GUCD1: variants seen among roughly 807,000 people sequenced by gnomAD.
GUCD1 encodes guanylyl cyclase domain containing 1, also known as protein GUCD1.
In GUCD1, 17 loss-of-function variants were observed where a neutral mutation model predicts 28.3. The observed-to-expected ratio is 0.60, with a 90% CI of 0.41 to 0.90. The LOEUF is 0.90. GUCD1 is among the 40% of genes least tolerant of loss of function. The pLI is 0.00. For missense variants in GUCD1, 279 were observed against 305.5 expected (o/e 0.91, Z 0.65); for synonymous variants, 129 against 123.3 (o/e 1.05, Z -0.30).
chr22:24,545,309 A>C (rs2147075330), intron 4 of GUCD1, among the ~76,000 whole-genome samples: 1 of 152,196 alleles, frequency 6.6e-6, no homozygotes, highest in South Asian at 2.1e-4. Flanking sequence ...TCCCAGTGGC[A>C]GTGCACAGGA....
Position 24,543,904 on chromosome 22 carries a change from AC to A in GUCD1, c.565del (p.Val189CysfsTer168). 6.2e-7 allele frequency: 1 copy of A among 1,614,114 alleles called. No individual in the cohort carries two copies. The highest frequency in any genetic ancestry group is 1.7e-5 in the Admixed American group (1 of 60,014). On this transcript the variant is annotated frameshift_variant, in exon 5 of 6. Transcript: ENST00000435822. LOFTEE classifies it high-confidence loss of function. ...RTPDYQGHFIVLRGYNRATGC... is the reference protein window; with the variant it reads ...RTPDYQGHFIXLRGYNRATGC... ...AGTGGCCCGGTTGTAGCCACGCAGC[AC>A]GATGAAGTGGCCCTGGTAGTCAGGA...
At chr22:24,554,750 CT>C (rs2044987273) in intron 1 of GUCD1, among the ~76,000 whole-genome samples, 198 bp downstream of exon 1, 1 of 152,248 alleles carries the variant, frequency 6.6e-6, no homozygotes, top group Admixed American at 6.5e-5. Context: ...GGTGGTGCCC[CT>C]GCTACCCGGA....
At position 24,554,897 on chromosome 22, in the gene GUCD1, G is replaced by A. The variant is rs1319517912; in HGVS notation, c.43+52C>T. ...ACTGGACCCTGCCCCGCGCTAGGGA[G>A]GGGTCCCTTTCGTTCCTAGGGTGAA... On this transcript the variant is annotated intron_variant, in intron 1 of 5. Coordinates refer to ENST00000435822, the MANE Select transcript of GUCD1 (RefSeq NM_001284254.2). The A allele has an allele frequency of 1.4e-5, 20 of 1,409,490 alleles. No individual in the cohort carries two copies. The East Asian group carries it at 1.8e-4, about 12-fold the overall frequency. The allele number at this position is 1,409,490 out of a possible 1,614,324, so 87.3% of individuals were successfully genotyped here. A position where few individuals can be genotyped will look rare whatever the true frequency, so the allele number is the denominator to read the frequency against.
chr22:24,555,669 C>T (rs2045042654), upstream of GUCD1: 18 of 1,550,668 alleles, frequency 1.2e-5, no homozygotes, highest in South Asian at 1.5e-4. Flanking sequence ...TGGCCCTTGG[C>T]CCAACCTCCT....
chr22:24,555,887 G>A (rs1207646004), upstream of GUCD1: 16 of 1,502,706 alleles, frequency 1.1e-5, no homozygotes, highest in Middle Eastern at 2.3e-4. Context: ...GCCGGCAGGC[G>A]GAGTGAGGAG....
In GUCD1 at chr22:24,541,165, G is replaced by T. The variant is rs528529100; in HGVS notation, c.*1841C>A. 7 of 168,648 alleles carry T rather than the reference G, an allele frequency of 4.2e-5. No individual in the cohort carries two copies. The South Asian group carries it at 1.2e-3, about 29-fold the overall frequency. The allele number at this position is 168,648 out of a possible 1,614,324, so 10.4% of individuals were successfully genotyped here. ...GCCCAACTAACAGCACCTCCCTCTTGGCCAAAGGCTTTGTCTAGGGTTGAG... is the reference window on the plus strand; with the variant it reads ...GCCCAACTAACAGCACCTCCCTCTTTGCCAAAGGCTTTGTCTAGGGTTGAG... On this transcript the variant is annotated 3_prime_UTR_variant, in exon 6 of 6. Transcript: ENST00000435822.
At chr22:24,550,266 G>A (rs891075104) in intron 1 of GUCD1, among the ~76,000 whole-genome samples, 8 of 152,214 alleles carry the variant, frequency 5.3e-5, no homozygotes, top group South Asian at 2.1e-4. Context: ...TGTGTGTACT[G>A]GAGATACAGC....
Position 24,546,971 on chromosome 22 carries a change from G to A in GUCD1, c.329C>T (p.Thr110Ile), listed in dbSNP as rs2044744168. The stretch of plus-strand genomic sequence containing the variant: ...TTGTGCAAACAGCTGATTCACCCGG[G>A]TCTCTTCTGTGTCAAAGTGCTTCCT... ...FYRKHFDTEE[T>I]RVNQLFAQAK... The change falls in exon 4 of 6, where the codon ACC becomes ATC. Residue 110 changes from threonine to isoleucine, a missense_variant. Physicochemically the swap from Thr to Ile is moderately conservative, Grantham distance 89. Transcript: ENST00000435822. 1 of 1,614,152 alleles carries A rather than the reference G, an allele frequency of 6.2e-7. No homozygotes were observed. The highest frequency in any genetic ancestry group is 1.3e-5 in the African/African-American group (1 of 75,054).
At position 24,546,904 on chromosome 22, in the gene GUCD1, G is replaced by C. The variant is rs374359249; in HGVS notation, c.386+10C>G. ...AGAGGAAGGGCAGGTAGGAAAGTTG[G>C]GGGGCTCACCATTTCTCCACCAGCA... On this transcript the variant is annotated intron_variant, in intron 4 of 5. Transcript: ENST00000435822. 85 of 1,612,246 alleles carry C rather than the reference G, an allele frequency of 5.3e-5. 1 individual carries two copies. In the African/African-American group the frequency reaches 9.1e-4, roughly 17 times the overall value.
At chr22:24,547,034 C>T (rs2044746041) in intron 3 of GUCD1, 29 bp from the exon 4 acceptor site, 1 of 1,548,558 alleles carries the variant, frequency 6.5e-7, no homozygotes. Flanking sequence ...GATGGAGTGG[C>T]CACCACCCAG....
In GUCD1 at chr22:24,542,670, C is replaced by T. The variant is rs2044622392; in HGVS notation, c.*336G>A. On this transcript the variant is annotated 3_prime_UTR_variant, in exon 6 of 6. Coordinates refer to ENST00000435822, the MANE Select transcript of GUCD1 (RefSeq NM_001284254.2). ...CTCTCTCCAGGCTCAGTCCTGCGGT[C>T]TGTGGGGAGACCATTGCCATGGATC... The T allele has an allele frequency of 3.1e-6, 1 of 325,350 alleles. No individual in the cohort carries two copies. 20.2% of individuals were successfully genotyped at this position (325,350 alleles called of 1,614,324 possible).
At chr22:24,544,272 G>T (rs375586199) in intron 4 of GUCD1, among the ~76,000 whole-genome samples, 189 bp from the exon 5 acceptor site, 3 of 147,518 alleles carry the variant, frequency 2.0e-5, no homozygotes, top group Non-Finnish European at 4.5e-5. Context: ...ACCGGTGGGG[G>T]GGGTGTGTGT....
In GUCD1 at chr22:24,547,889, C is replaced by G; in HGVS notation, c.294+19G>C. 6.2e-7 allele frequency: 1 copy of G among 1,613,526 alleles called. No individual in the cohort carries two copies. The highest frequency in any genetic ancestry group is 8.5e-7 in the Non-Finnish European group (1 of 1,179,700). On this transcript the variant is annotated intron_variant, in intron 3 of 5. Transcript: ENST00000435822. ...TCTGTGTGGCCCCACATGGGAAGGC[C>G]TGGTGGCTGGTCGCTCACCTGGTTC...
chr22:24,555,478 C>T, upstream of GUCD1: 1 of 1,192,548 alleles, frequency 8.4e-7, no homozygotes, highest in Non-Finnish European at 1.2e-6. Flanking sequence ...AGCCCTGATC[C>T]CGCCCAGTGC....
At position 24,547,615 on chromosome 22, in the gene GUCD1, A is replaced by G. The variant is rs566813320; in HGVS notation, c.294+293T>C. 1.9e-4 allele frequency: 69 copies of G among 369,240 alleles called. No homozygotes were observed. In the South Asian group the frequency reaches 2.7e-3, roughly 14 times the overall value. The allele number at this position is 369,240 out of a possible 1,614,324, so 22.9% of individuals were successfully genotyped here. A position where few individuals can be genotyped will look rare whatever the true frequency, so the allele number is the denominator to read the frequency against. Reference sequence around the variant, plus strand: ...CCTGCCTTGTGCTGAGGACAGTAGGAAAGAACGTAGGAAGTGGCCTCTGCA... The same window carrying G: ...CCTGCCTTGTGCTGAGGACAGTAGGGAAGAACGTAGGAAGTGGCCTCTGCA... On this transcript the variant is annotated intron_variant, in intron 3 of 5. Transcript: ENST00000435822.
intron 1 of GUCD1, among the ~76,000 whole-genome samples, chr22:24,553,449 C>G (rs947764529): frequency 3.3e-5 from 5 of 152,184 alleles, no homozygotes; most frequent in Admixed American, 1.3e-4. Context: ...TGCCTCCTTC[C>G]AACCCTCAGC....
intron 1 of GUCD1, among the ~76,000 whole-genome samples, chr22:24,553,795 G>A (rs1308684758): frequency 1.3e-5 from 2 of 152,242 alleles, no homozygotes; most frequent in Non-Finnish European, 2.9e-5. Flanking sequence ...CTGAGGCCTG[G>A]CAGGCCCCAC....
chr22:24,542,784 A>G lies in GUCD1; in HGVS notation c.*222T>C. On this transcript the variant is annotated 3_prime_UTR_variant, in exon 6 of 6. Coordinates refer to ENST00000435822, the MANE Select transcript of GUCD1 (RefSeq NM_001284254.2). ...GCTTGGGGTCTTGGGGTATGCTTCCAGCAGCCAGCAGGTGCTTGGGGTGAG... is the reference window on the plus strand; with the variant it reads ...GCTTGGGGTCTTGGGGTATGCTTCCGGCAGCCAGCAGGTGCTTGGGGTGAG... The G allele has an allele frequency of 2.0e-6, 1 of 506,134 alleles. No homozygotes were observed. The allele number at this position is 506,134 out of a possible 1,614,324, so 31.4% of individuals were successfully genotyped here.
upstream of GUCD1, chr22:24,555,860 G>T (rs1465199388): frequency 1.3e-6 from 2 of 1,529,082 alleles, no homozygotes; most frequent in Non-Finnish European, 1.8e-6. Context: ...CTATCGTACT[G>T]GTGCCCTAGT....
Sources: allele counts gnomAD v4.1 joint callset (sites outside exome capture counted in the v4.1 genomes callset), GRCh38; gene constraint gnomAD v4.1.1; transcripts MANE v1.5; gene names NCBI Gene and HGNC (gene_info 2026-07-23, HGNC 2026-07-21).